The following KCNIP4 variants were observed in gnomAD, a reference collection of about 807,000 sequenced individuals.
KCNIP4 encodes the protein potassium voltage-gated channel interacting protein 4.
Under a neutral mutation model 34.0 loss-of-function variants are expected in KCNIP4, and 12 were observed. That is an observed-to-expected ratio of 0.35 (90% confidence interval 0.23 to 0.57). The LOEUF is 0.57. KCNIP4 is among the 20% of genes least tolerant of loss of function. The pLI is 0.83. For missense variants in KCNIP4, 238 were observed against 311.7 expected, an observed-to-expected ratio of 0.76 and a Z score of 1.78; for synonymous variants, 124 against 102.2, an observed-to-expected ratio of 1.21 and a Z score of -1.29.
intron 5 of KCNIP4, among the ~76,000 whole-genome samples, chr4:20,742,292 G>C (rs755425636): frequency 6.6e-6 from 1 of 152,178 alleles, no homozygotes; most frequent in African/African-American, 2.4e-5. Flanking sequence ...CAATATCCCT[G>C]CTGAACATCG....
intron 5 of KCNIP4, among the ~76,000 whole-genome samples, chr4:20,743,371 A>G (rs1440360414): frequency 1.3e-5 from 2 of 152,180 alleles, no homozygotes; most frequent in African/African-American, 4.8e-5. Context: ...TTCAAACTAT[A>G]CTACAAGGCT....
chr4:20,730,019 C>T lies in KCNIP4; in HGVS notation c.*63G>A, dbSNP rs1298731490. The T allele has an allele frequency of 6.5e-7, 1 of 1,539,408 alleles. No homozygotes were observed. Among genetic ancestry groups the T allele is most frequent in the Non-Finnish European group, 8.7e-7 (1 of 1,144,524 alleles). ...GCAATCTATGCTAAAAGTGGTAGCT[C>T]CAACTTTAAGGGTGGTAGAATAGTT... On this transcript the variant is annotated 3_prime_UTR_variant, in exon 9 of 9. Coordinates refer to ENST00000382152, the MANE Select transcript of KCNIP4 (RefSeq NM_025221.6).
At chr4:20,770,407 T>C (rs1359508527) in intron 3 of KCNIP4, among the ~76,000 whole-genome samples, 1 of 152,112 alleles carries the variant, frequency 6.6e-6, no homozygotes, top group Non-Finnish European at 1.5e-5. Flanking sequence ...GAAATAAATT[T>C]TTTTAGATTT....
intron 1 of KCNIP4, among the ~76,000 whole-genome samples, chr4:20,894,377 C>G (rs1035836792): frequency 6.6e-6 from 1 of 152,176 alleles, no homozygotes; most frequent in East Asian, 1.9e-4. Flanking sequence ...TACAATGAAT[C>G]TTCTCCTCCA....
At chr4:21,499,019 A>G (rs1330702434) in intron 1 of KCNIP4, among the ~76,000 whole-genome samples, 1 of 152,140 alleles carries the variant, frequency 6.6e-6, no homozygotes. Context: ...CACTGGTCCC[A>G]TTGGGAACTA....
chr4:20,928,308 T>A (rs2149596714), intron 1 of KCNIP4, among the ~76,000 whole-genome samples: 1 of 150,998 alleles, frequency 6.6e-6, no homozygotes, highest in African/African-American at 2.4e-5. Context: ...AAACTACAAA[T>A]CAATAACATG....
At chr4:21,184,194 A>G (rs1017951509) in intron 1 of KCNIP4, among the ~76,000 whole-genome samples, 3 of 152,094 alleles carry the variant, frequency 2.0e-5, no homozygotes, top group African/African-American at 7.2e-5. Context: ...TTGGGATAAA[A>G]ATAGTACCTG....
chr4:21,433,500 C>T (rs1726680553), intron 1 of KCNIP4, among the ~76,000 whole-genome samples: 1 of 152,172 alleles, frequency 6.6e-6, no homozygotes, highest in African/African-American at 2.4e-5. Context: ...AGCCTTTAGC[C>T]ACACCTAGCT....
intron 1 of KCNIP4, among the ~76,000 whole-genome samples, chr4:21,082,455 A>T (rs180830260): frequency 1.0e-3 from 157 of 151,958 alleles, no homozygotes; most frequent in Non-Finnish European, 1.7e-3. Flanking sequence ...TTAACAGATC[A>T]TTTAGATTAT....
chr4:20,848,215 T>C (rs754094007), intron 3 of KCNIP4, among the ~76,000 whole-genome samples: 2 of 151,982 alleles, frequency 1.3e-5, no homozygotes, highest in Non-Finnish European at 2.9e-5. Context: ...TCAGGTCTGA[T>C]GGAAATTTGT....
At chr4:21,834,066 G>A (rs971686286) in intron 1 of KCNIP4, among the ~76,000 whole-genome samples, 21 of 152,114 alleles carry the variant, frequency 1.4e-4, no homozygotes, top group Non-Finnish European at 2.4e-4. Flanking sequence ...GATTGACTTG[G>A]CTATGTGGGC....
intron 3 of KCNIP4, among the ~76,000 whole-genome samples, chr4:20,818,749 T>C (rs1162797840): frequency 1.3e-5 from 2 of 151,968 alleles, no homozygotes; most frequent in African/African-American, 4.8e-5. Flanking sequence ...AGATAAAAGA[T>C]TGTAGGCCTT....
chr4:21,105,077 G>C (rs1033919619), intron 1 of KCNIP4, among the ~76,000 whole-genome samples: 25 of 151,636 alleles, frequency 1.6e-4, no homozygotes, highest in African/African-American at 5.6e-4. Flanking sequence ...TGGCAATGTG[G>C]TCTCTTTTTT....
chr4:21,414,461 G>C (rs1213072015), intron 1 of KCNIP4, among the ~76,000 whole-genome samples: 3 of 152,130 alleles, frequency 2.0e-5, no homozygotes, highest in Admixed American at 2.0e-4. Flanking sequence ...TGGAGAAATT[G>C]AAACCCTCTC....
chr4:20,885,731 A>G (rs1225091787), intron 1 of KCNIP4, among the ~76,000 whole-genome samples: 1 of 152,202 alleles, frequency 6.6e-6, no homozygotes, highest in Non-Finnish European at 1.5e-5. Context: ...GATCAGAGGA[A>G]ATAATATATA....
intron 1 of KCNIP4, among the ~76,000 whole-genome samples, chr4:21,829,962 A>T (rs919903348): frequency 1.3e-5 from 2 of 152,162 alleles, no homozygotes; most frequent in Admixed American, 1.3e-4. Context: ...CCAGAAAATA[A>T]TTGTTTTAAA....
intron 1 of KCNIP4, among the ~76,000 whole-genome samples, chr4:21,124,732 A>G (rs1750464639): frequency 6.6e-6 from 1 of 152,154 alleles, no homozygotes; most frequent in African/African-American, 2.4e-5. Flanking sequence ...TAGTCTATGC[A>G]GCCTCACCTT....
chr4:21,045,384 A>C (rs1248944483), intron 1 of KCNIP4, among the ~76,000 whole-genome samples: 1 of 152,248 alleles, frequency 6.6e-6, no homozygotes, highest in Admixed American at 6.5e-5. Flanking sequence ...TGCATGGACC[A>C]CACTTTGAGA....
intron 1 of KCNIP4, among the ~76,000 whole-genome samples, chr4:21,510,689 T>A (rs1385482513): frequency 1.3e-5 from 2 of 152,062 alleles, no homozygotes; most frequent in Non-Finnish European, 1.5e-5. Flanking sequence ...TGTTGACCCC[T>A]CATTTTTATT....
Sources: allele counts gnomAD v4.1 joint callset (sites outside exome capture counted in the v4.1 genomes callset), GRCh38; gene constraint gnomAD v4.1.1; transcripts MANE v1.5; gene names NCBI Gene and HGNC (gene_info 2026-07-23, HGNC 2026-07-21).